HS6ST3: variants seen among roughly 807,000 people sequenced by gnomAD.
The protein encoded by HS6ST3 is heparan sulfate 6-O-sulfotransferase 3, also known as heparan-sulfate 6-O-sulfotransferase 3.
Under a neutral mutation model 36.7 loss-of-function variants are expected in HS6ST3, and 12 were observed. The observed-to-expected ratio is 0.33, with a 90% CI of 0.21 to 0.53. The LOEUF (loss-of-function observed/expected upper bound fraction) is 0.53. Among genes scored for constraint, HS6ST3 ranks in the 20% least tolerant of loss-of-function variants. HS6ST3 has a pLI of 0.95. For synonymous variants in HS6ST3, 240 were observed against 257.5 expected (o/e 0.93, Z 0.65); for missense variants, 584 against 640.9 (o/e 0.91, Z 0.96).
chr13:96,370,247 C>CTG (rs1399994344), intron 1 of HS6ST3, among the ~76,000 whole-genome samples: 1 of 152,150 alleles, frequency 6.6e-6, no homozygotes, highest in Admixed American at 6.6e-5. Flanking sequence ...GGGTGGAAAA[C>CTG]TAGCTAAAGT....
intron 1 of HS6ST3, among the ~76,000 whole-genome samples, chr13:96,268,294 T>A (rs995305548): frequency 4.6e-5 from 7 of 151,924 alleles, no homozygotes; most frequent in African/African-American, 1.7e-4. Flanking sequence ...TCCACAGGGC[T>A]GGGGAGGCCT....
intron 1 of HS6ST3, among the ~76,000 whole-genome samples, chr13:96,162,976 G>A (rs562988660): frequency 7.9e-5 from 12 of 152,004 alleles, no homozygotes; most frequent in East Asian, 1.9e-4. Context: ...AATGATGCAC[G>A]TAAGAGGTTC....
chr13:96,762,743 T>C (rs1012121505), intron 1 of HS6ST3, among the ~76,000 whole-genome samples: 1 of 152,160 alleles, frequency 6.6e-6, no homozygotes, highest in African/African-American at 2.4e-5. Flanking sequence ...GAGAATAAGG[T>C]ATATTTATTT....
At chr13:96,408,753 G>A (rs1594773856) in intron 1 of HS6ST3, among the ~76,000 whole-genome samples, 1 of 151,918 alleles carries the variant, frequency 6.6e-6, no homozygotes, top group Non-Finnish European at 1.5e-5. Context: ...GTGAAACCCC[G>A]TCTTACTAAA....
chr13:96,658,447 A>T (rs1428514204), intron 1 of HS6ST3, among the ~76,000 whole-genome samples: 1 of 149,600 alleles, frequency 6.7e-6, no homozygotes, highest in Non-Finnish European at 1.5e-5. Flanking sequence ...CGCCTGGCTA[A>T]TTTTTTAATA....
At chr13:96,621,580 T>A (rs148068979) in intron 1 of HS6ST3, among the ~76,000 whole-genome samples, 1 of 152,288 alleles carries the variant, frequency 6.6e-6, no homozygotes, top group Non-Finnish European at 1.5e-5. Context: ...CAAACCTCTT[T>A]CCCTTTCTCT....
chr13:96,516,146 C>T (rs2056071824), intron 1 of HS6ST3, among the ~76,000 whole-genome samples: 2 of 151,534 alleles, frequency 1.3e-5, no homozygotes, highest in Admixed American at 1.3e-4. Flanking sequence ...AATGCAACCT[C>T]TGCCTCCTTG....
chr13:96,415,043 A>G (rs2055526271), intron 1 of HS6ST3, among the ~76,000 whole-genome samples: 5 of 152,218 alleles, frequency 3.3e-5, no homozygotes, highest in Admixed American at 2.6e-4. Context: ...TTAATTACTC[A>G]GAAATGTAGC....
intron 1 of HS6ST3, among the ~76,000 whole-genome samples, chr13:96,647,579 T>C (rs918560853): frequency 2.6e-5 from 4 of 152,054 alleles, no homozygotes; most frequent in African/African-American, 4.8e-5. Context: ...GGAAACCACA[T>C]TGACCATTCT....
chr13:96,797,860 C>T (rs1877951009), intron 1 of HS6ST3, among the ~76,000 whole-genome samples: 3 of 152,138 alleles, frequency 2.0e-5, no homozygotes, highest in South Asian at 2.1e-4. Context: ...ATTCAATTCA[C>T]TCCTGACACC....
intron 1 of HS6ST3, among the ~76,000 whole-genome samples, chr13:96,217,043 T>G (rs2054429954): frequency 6.6e-6 from 1 of 152,128 alleles, no homozygotes; most frequent in Non-Finnish European, 1.5e-5. Context: ...CCCCAGGGTG[T>G]GGGTCTGGAA....
intron 1 of HS6ST3, among the ~76,000 whole-genome samples, chr13:96,119,192 T>C (rs150400521): frequency 0.017 from 2,567 of 152,198 alleles, 58 homozygotes; most frequent in African/African-American, 0.059. Context: ...CTGTAGTCTC[T>C]AGTGCTTCAT....
chr13:96,446,394 G>A (rs939243746), intron 1 of HS6ST3, among the ~76,000 whole-genome samples: 4 of 152,062 alleles, frequency 2.6e-5, no homozygotes, highest in African/African-American at 7.3e-5. Context: ...ACACCTTCAT[G>A]TATGCAGCTT....
At chr13:96,718,278 G>C (rs1050634027) in intron 1 of HS6ST3, among the ~76,000 whole-genome samples, 13 of 152,126 alleles carry the variant, frequency 8.5e-5, no homozygotes, top group African/African-American at 2.7e-4. Flanking sequence ...ATTTCTAGTG[G>C]TGACCTATTA....
At chr13:96,100,183 A>G (rs1009456069) in intron 1 of HS6ST3, among the ~76,000 whole-genome samples, 1 of 152,158 alleles carries the variant, frequency 6.6e-6, no homozygotes, top group Non-Finnish European at 1.5e-5. Flanking sequence ...CTGGTATGCA[A>G]TGGTTTGTCT....
At chr13:96,498,449 C>T (rs766191629) in intron 1 of HS6ST3, among the ~76,000 whole-genome samples, 43 of 152,274 alleles carry the variant, frequency 2.8e-4, no homozygotes, top group Non-Finnish European at 5.9e-4. Flanking sequence ...CTCTGGGCCT[C>T]TTTAGGATGG....
chr13:96,490,338 A>T (rs1236423694), intron 1 of HS6ST3, among the ~76,000 whole-genome samples: 1 of 152,142 alleles, frequency 6.6e-6, no homozygotes, highest in Non-Finnish European at 1.5e-5. Context: ...AAAGTAGAAC[A>T]TGTGCACACT....
At chr13:96,600,200 TTAATGCTGTCAGTAGAGTGTC>T (rs2056416341) in intron 1 of HS6ST3, among the ~76,000 whole-genome samples, 3 of 152,058 alleles carry the variant, frequency 2.0e-5, no homozygotes, top group Admixed American at 2.0e-4. Context: ...GCTGTCTGCC[TTAATGCTGTCAGTAGAGTGTC>T]TAATGCTGTC....
At chr13:96,517,147 G>A (rs1265011212) in intron 1 of HS6ST3, among the ~76,000 whole-genome samples, 4 of 151,970 alleles carry the variant, frequency 2.6e-5, no homozygotes, top group African/African-American at 9.7e-5. Context: ...GGGAAGCCAA[G>A]GTGGGAGGAT....
Sources: gnomAD v4.1 joint callset for allele counts (sites outside exome capture counted in the v4.1 genomes callset) on GRCh38, gnomAD v4.1.1 for gene constraint, MANE v1.5 for transcripts, NCBI Gene and HGNC (gene_info 2026-07-23, HGNC 2026-07-21) for gene names.